The following ANKRD24 variants were observed in gnomAD, a reference collection of about 807,000 sequenced individuals.
ANKRD24 encodes the protein ankyrin repeat domain 24.
In ANKRD24, 109 loss-of-function variants were observed where a neutral mutation model predicts 127.8. The observed-to-expected ratio is 0.85, with a 90% CI of 0.73 to 1.00. The LOEUF (loss-of-function observed/expected upper bound fraction) is 1.00, where lower values mean the gene tolerates loss of function less well. Among genes scored for constraint, ANKRD24 ranks in the 50% least tolerant of loss-of-function variants. The pLI is 0.00. For synonymous variants in ANKRD24, 743 were observed against 671.1 expected (o/e 1.11, Z -1.66); for missense variants, 1,648 against 1,570.2 (o/e 1.05, Z -0.84).
At chr19:4,182,777 C>G in intron 1 of ANKRD24, 37 bp downstream of exon 1, 1 of 984,914 alleles carries the variant, frequency 1.0e-6, no homozygotes, top group Non-Finnish European at 1.2e-6. Flanking sequence ...CCCCGATGAC[C>G]CGGGCGGGAA....
Position 4,198,027 on chromosome 19 carries a change from C to G in ANKRD24, c.37-1656C>G, listed in dbSNP as rs531226587. The G allele has an allele frequency of 4.9e-6, 2 of 409,522 alleles. No homozygotes were observed. The highest frequency in any genetic ancestry group is 1.6e-4 in the South Asian group (2 of 12,542). The allele number at this position is 409,522 out of a possible 1,614,324, so 25.4% of individuals were successfully genotyped here. On this transcript the variant is annotated intron_variant, in intron 2 of 21. Transcript: ENST00000318934. This position sits in a 1 kb window ranked among gnomAD's most constrained non-coding sequence, Gnocchi z 6.1. ...TGAATGAAAGTGTGAGTGGCGAGAGCCCTGCCGGCCGCGTGGAGGTGCGAG... is the reference window on the plus strand; with the variant it reads ...TGAATGAAAGTGTGAGTGGCGAGAGGCCTGCCGGCCGCGTGGAGGTGCGAG...
At chr19:4,212,802 A>G in intron 15 of ANKRD24, 104 bp downstream of exon 15, 1 of 1,069,522 alleles carries the variant, frequency 9.3e-7, no homozygotes, top group Non-Finnish European at 1.3e-6. Context: ...AGCCTCACAC[A>G]CGTGCAAACA....
rs959276241 is a variant in ANKRD24, at chr19:4,186,385, C to T, written c.-36-5C>T. The T allele has an allele frequency of 6.4e-7, 1 of 1,569,204 alleles. No individual in the cohort carries two copies. The highest frequency in any genetic ancestry group is 1.4e-5 in the African/African-American group (1 of 73,600). On this transcript the variant is annotated splice_polypyrimidine_tract_variant and splice_region_variant and intron_variant, in intron 1 of 21. Coordinates refer to ENST00000318934, the MANE Select transcript of ANKRD24 (RefSeq NM_001393985.1). ...TCACCTTACCCCCACCCTTGCCCTC[C>T]TCAGGTGGCCTGTGGAGAGGAGAAA... is the stretch of plus-strand genomic sequence containing the variant.
At chr19:4,196,600 C>T (rs1222912079) in intron 2 of ANKRD24, among the ~76,000 whole-genome samples, 1 of 152,160 alleles carries the variant, frequency 6.6e-6, no homozygotes, top group Non-Finnish European at 1.5e-5. Flanking sequence ...TTCTCGAACT[C>T]CTGACCTCAG....
In ANKRD24 at chr19:4,216,602, C is replaced by T. The variant is rs752068646; in HGVS notation, c.1442C>T (p.Ala481Val). 1 of 1,611,790 alleles carries T rather than the reference C, an allele frequency of 6.2e-7. No individual in the cohort carries two copies. The highest frequency in any genetic ancestry group is 1.1e-5 in the South Asian group (1 of 90,488). ...DETQMEVEAL[A>V]EVIPLALYDS... is the part of the protein sequence containing the mutation. ...ACACAGATGGAAGTGGAAGCTTTGGCAGAGGTCATCCCTCTTGCCCTCTAT... is the reference window on the plus strand; with the variant it reads ...ACACAGATGGAAGTGGAAGCTTTGGTAGAGGTCATCCCTCTTGCCCTCTAT... Residue 481 changes from alanine to valine, a missense_variant, in exon 18 of 22, where the codon GCA becomes GTA. Ala to Val is a moderately conservative substitution (Grantham distance 64, BLOSUM62 0). Coordinates refer to ENST00000318934, the MANE Select transcript of ANKRD24 (RefSeq NM_001393985.1).
At chr19:4,190,962 G>A (rs941027555) in intron 2 of ANKRD24, among the ~76,000 whole-genome samples, 5 of 152,152 alleles carry the variant, frequency 3.3e-5, no homozygotes, top group African/African-American at 1.2e-4. Flanking sequence ...TACCTCATTC[G>A]GGATGTGGGT....
rs535162523 is a variant in ANKRD24, at chr19:4,190,304, G to A, written c.36+3843G>A. Among the ~76,000 whole-genome samples, 3 of 152,076 alleles carry A rather than the reference G, an allele frequency of 2.0e-5. No individual in the cohort carries two copies. The South Asian group carries it at 6.2e-4, about 32-fold the overall frequency. On this transcript the variant is annotated intron_variant, in intron 2 of 21. Coordinates refer to ENST00000318934, the MANE Select transcript of ANKRD24 (RefSeq NM_001393985.1). ...CAAAAAATCAGCCGGGCGTGGTGGC[G>A]GGCGCCTGTAGTCCCAGCTACTCGG...
At chr19:4,208,095 C>T in intron 10 of ANKRD24, 127 bp downstream of exon 10, 1 of 1,001,894 alleles carries the variant, frequency 1.0e-6, no homozygotes, top group Non-Finnish European at 1.4e-6. Context: ...TAGAGCTTAC[C>T]CAATTCTACT....
Position 4,218,176 on chromosome 19 carries a change from G to A in ANKRD24, c.3003+13G>A. The A allele has an allele frequency of 6.9e-7, 1 of 1,458,070 alleles. No individual in the cohort carries two copies. Among genetic ancestry groups the A allele is most frequent in the South Asian group, 1.4e-5 (1 of 71,410 alleles). 90.3% of individuals were successfully genotyped at this position (1,458,070 alleles called of 1,614,324 possible). ...AGAGGTCTTCCAGGTGAGCAGGGCT[G>A]GTCACCACCCGGGCCCCACCCCCAT... On this transcript the variant is annotated intron_variant, in intron 18 of 21. Transcript: ENST00000318934.
At position 4,199,108 on chromosome 19, in the gene ANKRD24, G is replaced by A. The variant is rs1968937198; in HGVS notation, c.37-575G>A. 1.3e-5 allele frequency among the ~76,000 whole-genome samples: 2 copies of A among 152,138 alleles called. No homozygotes were observed. The highest frequency in any genetic ancestry group is 1.3e-4 in the Admixed American group (2 of 15,266). ...GGCAGTTGTGGATAAACAGGGCAGAGGATGGTCCTGAGAGGCATTTAAAGG... is the reference window on the plus strand; with the variant it reads ...GGCAGTTGTGGATAAACAGGGCAGAAGATGGTCCTGAGAGGCATTTAAAGG... On this transcript the variant is annotated intron_variant, in intron 2 of 21. Coordinates refer to ENST00000318934, the MANE Select transcript of ANKRD24 (RefSeq NM_001393985.1). The surrounding 1 kb of genome is among the most constrained non-coding windows in gnomAD (Gnocchi z 5.2).
At position 4,216,318 on chromosome 19, in the gene ANKRD24, G is replaced by A. The variant is rs201152073; in HGVS notation, c.1305G>A (p.Pro435=). The change falls in exon 17 of 22, where the codon CCG becomes CCA. Residue 435 remains proline (P), a synonymous_variant. Coordinates refer to ENST00000318934, the MANE Select transcript of ANKRD24 (RefSeq NM_001393985.1). ...AEVLLSRQLS[P]SAQEHLASLQ... is the part of the protein sequence containing the mutation. ...TGCTGCTGTCCAGACAACTCAGTCC[G>A]TCGGCCCAGGAACACCTGGCCTCGC... 1.1e-4 allele frequency: 170 copies of A among 1,561,672 alleles called. No homozygotes were observed. In the East Asian group the frequency reaches 1.4e-3, roughly 13 times the overall value.
At chr19:4,212,734 T>G in intron 15 of ANKRD24, 36 bp downstream of exon 15, 4 of 1,505,988 alleles carry the variant, frequency 2.7e-6, no homozygotes, top group Non-Finnish European at 3.6e-6. Flanking sequence ...GGGCTGGGGC[T>G]GGGTCGGGGA....
intron 19 of ANKRD24, 29 bp downstream of exon 19, chr19:4,219,787 A>G (rs1303253890): frequency 6.4e-6 from 10 of 1,566,714 alleles, no homozygotes; most frequent in Non-Finnish European, 7.8e-6. Flanking sequence ...ACACTCAGTC[A>G]GGGAGGCATC....
chr19:4,205,741 G>A (rs1239210325), intron 7 of ANKRD24, among the ~76,000 whole-genome samples: 2 of 152,116 alleles, frequency 1.3e-5, no homozygotes, highest in Non-Finnish European at 2.9e-5. Context: ...CCAGCTACTC[G>A]GGAGGCTGAG....
chr19:4,187,435 A>G (rs1167382052), intron 2 of ANKRD24, among the ~76,000 whole-genome samples: 5 of 146,736 alleles, frequency 3.4e-5, no homozygotes, highest in Non-Finnish European at 5.9e-5. Flanking sequence ...AAAAAGAAAA[A>G]GGGAAGGGGA....
chr19:4,219,021 C>G (rs142873991), intron 18 of ANKRD24, among the ~76,000 whole-genome samples: 11,799 of 152,192 alleles, frequency 0.078, 1,340 homozygotes, highest in African/African-American at 0.25. Flanking sequence ...CACCGTGGCT[C>G]ACGCCTGTAA....
rs764280004 is a variant in ANKRD24, at chr19:4,217,953, C to A, written c.2793C>A (p.Gly931=). 6.6e-7 allele frequency: 1 copy of A among 1,508,634 alleles called. No individual in the cohort carries two copies. Among genetic ancestry groups the A allele is most frequent in the Non-Finnish European group, 8.8e-7 (1 of 1,136,142 alleles). 93.5% of individuals were successfully genotyped at this position (1,508,634 alleles called of 1,614,324 possible). Residue 931 remains glycine, a synonymous_variant, in exon 18 of 22, where the codon GGC becomes GGA. Transcript: ENST00000318934. The stretch of plus-strand genomic sequence containing the variant: ...AGGAGGAGGCCCTGGAGCTGCGGGG[C>A]CGGGCAGCCAGTCTGGAGCAGGAGG... ...RLQEEALELR[G]RAASLEQEVV...
At position 4,190,450 on chromosome 19, in the gene ANKRD24, C is replaced by T. The variant is rs2145225504; in HGVS notation, c.36+3989C>T. 1.3e-5 allele frequency among the ~76,000 whole-genome samples: 2 copies of T among 149,110 alleles called. 1 individual carries two copies. The highest frequency in any genetic ancestry group is 4.3e-4 in the South Asian group (2 of 4,684). ...AAAAAAAAAAAAAAATCTGGCTCGG[C>T]ATGGTGGCTCACGTCTGTAATCCCA... On this transcript the variant is annotated intron_variant, in intron 2 of 21. Transcript: ENST00000318934.
chr19:4,196,152 C>T (rs1407259298), intron 2 of ANKRD24, among the ~76,000 whole-genome samples: 3 of 152,186 alleles, frequency 2.0e-5, no homozygotes, highest in Non-Finnish European at 4.4e-5. Flanking sequence ...CACAGTGCTT[C>T]CTTGGTGCCT....
Sources: allele counts gnomAD v4.1 joint callset (sites outside exome capture counted in the v4.1 genomes callset), GRCh38; gene constraint gnomAD v4.1.1; non-coding constraint Gnocchi (gnomAD v3.1); transcripts MANE v1.5; gene names NCBI Gene and HGNC (gene_info 2026-07-23, HGNC 2026-07-21).